CYTH2: variants seen among roughly 807,000 people sequenced by gnomAD.
CYTH2 encodes the protein cytohesin-2.
Under a neutral mutation model 55.4 loss-of-function variants are expected in CYTH2, and 24 were observed. The ratio of observed to expected loss-of-function variants is 0.43; its 90% confidence interval spans 0.31 to 0.61. The LOEUF (loss-of-function observed/expected upper bound fraction) is 0.61, where lower values mean the gene tolerates loss of function less well. Among genes scored for constraint, CYTH2 ranks in the 20% least tolerant of loss-of-function variants. The pLI is 0.08. For synonymous variants in CYTH2, 221 were observed against 209.6 expected (o/e 1.05, Z -0.47); for missense variants, 378 against 533.5 (o/e 0.71, Z 2.87).
intron 8 of CYTH2, 45 bp from the exon 9 acceptor site, chr19:48,478,024 G>A: frequency 6.5e-7 from 1 of 1,532,182 alleles, no homozygotes; most frequent in Non-Finnish European, 9.0e-7. Flanking sequence ...CAGAGGCCCT[G>A]TCCCCCTGTT....
Position 48,474,034 on chromosome 19 carries a change from C to G in CYTH2, c.547+17C>G, listed in dbSNP as rs766914095. On this transcript the variant is annotated intron_variant, in intron 6 of 11. Transcript: ENST00000452733. This position sits in a 1 kb window ranked among gnomAD's most constrained non-coding sequence, Gnocchi z 4.9. ...AGTCCACAGGTGCGGGCCCCAAATC[C>G]TGGGTCCTGGGAAAGAGGAGACTGG... is the stretch of plus-strand genomic sequence containing the variant. The G allele has an allele frequency of 1.9e-6, 3 of 1,591,546 alleles. No homozygotes were observed. Among genetic ancestry groups the G allele is most frequent in the African/African-American group, 1.4e-5 (1 of 73,888 alleles).
rs917458617 is a variant in CYTH2 at position 48,480,164 on chromosome 19, G to A, written c.*954G>A. On this transcript the variant is annotated 3_prime_UTR_variant, in exon 12 of 12. Coordinates refer to ENST00000452733, the MANE Select transcript of CYTH2 (RefSeq NM_004228.7). ...ACCTTTTGCCCTCCAGTTGGGGTAT[G>A]TGTGGTGTCCCCAAAGAACAAGGGC... is the stretch of plus-strand genomic sequence containing the variant. 6.6e-6 allele frequency: 1 copy of A among 152,256 alleles called. No individual in the cohort carries two copies. The allele number at this position is 152,256 out of a possible 1,614,324, so 9.4% of individuals were successfully genotyped here.
chr19:48,472,461 C>T lies in CYTH2; in HGVS notation c.353+18C>T. 1.9e-6 allele frequency: 3 copies of T among 1,606,908 alleles called. No homozygotes were observed. The highest frequency in any genetic ancestry group is 2.6e-6 in the Non-Finnish European group (3 of 1,176,180). On this transcript the variant is annotated intron_variant, in intron 4 of 11. Transcript: ENST00000452733. ...GGGGAGAGGTACGGTCACCACTCAG[C>T]TCCTGTGGGGCCCCTCCCTCCCACC... is the stretch of plus-strand genomic sequence containing the variant.
chr19:48,470,737 G>A, intron 3 of CYTH2, 68 bp downstream of exon 3: 1 of 1,583,274 alleles, frequency 6.3e-7, no homozygotes, highest in Non-Finnish European at 8.7e-7. Flanking sequence ...GCACCTCCGG[G>A]TTCCAGAAGC....
chr19:48,474,077 C>T lies in CYTH2; in HGVS notation c.547+60C>T. On this transcript the variant is annotated intron_variant, in intron 6 of 11. Coordinates refer to ENST00000452733, the MANE Select transcript of CYTH2 (RefSeq NM_004228.7). This position sits in a 1 kb window ranked among gnomAD's most constrained non-coding sequence, Gnocchi z 4.9. ...GAGACTGGGGCCCAGACTCCTAGGT[C>T]TGAGGGAGGGAGGGGGCTGGGAGCT... 1 of 1,554,454 alleles carries T rather than the reference C, an allele frequency of 6.4e-7. No individual in the cohort carries two copies. The highest frequency in any genetic ancestry group is 8.7e-7 in the Non-Finnish European group (1 of 1,149,864).
rs1435136278 is a variant in CYTH2 at position 48,481,705 on chromosome 19, G to A, written c.*2495G>A. The stretch of plus-strand genomic sequence containing the variant: ...TTTTTGTATTTTTAGTAGAGACGGG[G>A]TTTCACCATATTGGCCAAGCTGGTC... On this transcript the variant is annotated 3_prime_UTR_variant, in exon 12 of 12. Transcript: ENST00000452733. 1 of 153,476 alleles carries A rather than the reference G, an allele frequency of 6.5e-6. No homozygotes were observed. The highest frequency in any genetic ancestry group is 6.5e-5 in the Admixed American group (1 of 15,282). 9.5% of individuals were successfully genotyped at this position (153,476 alleles called of 1,614,324 possible).
Position 48,475,819 on chromosome 19 carries a change from A to G in CYTH2, c.808+870A>G, listed in dbSNP as rs141348851. ...CAATGCATAGTCAAGGTTGAGAGCT[A>G]CTGGCCTGGAGCCGTGCCTGGTAAC... On this transcript the variant is annotated intron_variant, in intron 8 of 11. Transcript: ENST00000452733. 391 of 235,684 alleles carry G rather than the reference A, an allele frequency of 1.7e-3. 3 individuals are homozygous for G. Among genetic ancestry groups the G allele is most frequent in the African/African-American group, 8.3e-3 (358 of 42,988 alleles). The allele number at this position is 235,684 out of a possible 1,614,324, so 14.6% of individuals were successfully genotyped here. A position where few individuals can be genotyped will look rare whatever the true frequency, so the allele number is the denominator to read the frequency against.
rs376786466 is a variant in CYTH2, at chr19:48,479,263, C to T, written c.*53C>T. On this transcript the variant is annotated 3_prime_UTR_variant, in exon 12 of 12. Coordinates refer to ENST00000452733, the MANE Select transcript of CYTH2 (RefSeq NM_004228.7). Reference sequence around the variant, plus strand: ...TACGGAGCTGCCCCGCCTGGGTGGCCGGACCCCTGGGCCTTGGGGCTGTGG... The same window carrying T: ...TACGGAGCTGCCCCGCCTGGGTGGCTGGACCCCTGGGCCTTGGGGCTGTGG... The T allele has an allele frequency of 1.2e-3, 1,838 of 1,595,798 alleles. 1 individual carries two copies. Among genetic ancestry groups the T allele is most frequent in the Non-Finnish European group, 1.4e-3 (1,671 of 1,164,890 alleles).
At chr19:48,478,254 C>T (rs761435865) in intron 9 of CYTH2, 21 bp from the exon 10 acceptor site, 72 of 1,611,986 alleles carry the variant, frequency 4.5e-5, no homozygotes, top group Non-Finnish European at 6.0e-5. Context: ...AGTCTGAGTT[C>T]TGTCCACCTT....
Position 48,474,895 on chromosome 19 carries a change from G to A in CYTH2, c.754G>A (p.Asp252Asn). Residue 252 changes from aspartate to asparagine, a missense_variant, in exon 8 of 12, where the codon GAC becomes AAC. Transcript: ENST00000452733. The surrounding 1 kb of genome is among the most constrained non-coding windows in gnomAD (Gnocchi z 4.9). Reference sequence around the variant, plus strand: ...CAAGATTCCTGAGGATGACGGGAATGACCTGACCCACACCTTCTTCAACCC... The same window carrying A: ...CAAGATTCCTGAGGATGACGGGAATAACCTGACCCACACCTTCTTCAACCC... ...PFKIPEDDGNDLTHTFFNPDR... is the reference protein window; with the variant it reads ...PFKIPEDDGNNLTHTFFNPDR... 1 of 1,614,184 alleles carries A rather than the reference G, an allele frequency of 6.2e-7. No homozygotes were observed. Among genetic ancestry groups the A allele is most frequent in the Non-Finnish European group, 8.5e-7 (1 of 1,180,024 alleles).
rs978735449 is a variant in CYTH2, at chr19:48,473,887, G to C, written c.435-18G>C. The C allele has an allele frequency of 5.1e-6, 8 of 1,583,098 alleles. No individual in the cohort carries two copies. Among genetic ancestry groups the C allele is most frequent in the Middle Eastern group, 3.4e-4 (2 of 5,894 alleles). On this transcript the variant is annotated intron_variant, in intron 5 of 11. Transcript: ENST00000452733. ...CCCACCAGCCCTGGCATCCATTCCT[G>C]GCCCCTCCCCAACCCAGGCAGTTTC...
chr19:48,480,396 G>A lies in CYTH2; in HGVS notation c.*1186G>A, dbSNP rs897698880. ...CGCTGTGTTCGCTTTTGAGCTCTCC[G>A]ATGGGATGCGGCGCTTCGGAATTTC... On this transcript the variant is annotated 3_prime_UTR_variant, in exon 12 of 12. Transcript: ENST00000452733. 6.6e-6 allele frequency: 1 copy of A among 152,224 alleles called. No homozygotes were observed. Among genetic ancestry groups the A allele is most frequent in the Non-Finnish European group, 1.5e-5 (1 of 68,036 alleles). The allele number at this position is 152,224 out of a possible 1,614,324, so 9.4% of individuals were successfully genotyped here.
At chr19:48,478,200 G>A in intron 9 of CYTH2, 55 bp downstream of exon 9, 2 of 1,612,266 alleles carry the variant, frequency 1.2e-6, no homozygotes, top group Middle Eastern at 1.7e-4. Context: ...CTGGGAGCCT[G>A]GACTCCTGGG....
chr19:48,470,788 C>A, intron 3 of CYTH2, 119 bp downstream of exon 3: 1 of 1,091,464 alleles, frequency 9.2e-7, no homozygotes, highest in South Asian at 1.4e-5. Context: ...AGACTTGGTC[C>A]TAATCCCTGG....
At position 48,469,754 on chromosome 19, in the gene CYTH2, G is replaced by A. The variant is rs1258389763; in HGVS notation, c.19+228G>A. ...GCCTGTTTCCGGTGGCGGCGGGAGG[G>A]GCGGGATGGAGTGGTGGAGGCGAGG... On this transcript the variant is annotated intron_variant, in intron 1 of 11. Transcript: ENST00000452733. The A allele has an allele frequency of 4.2e-6, 3 of 716,598 alleles. No individual in the cohort carries two copies. The East Asian group carries it at 8.5e-5, about 20-fold the overall frequency. The allele number at this position is 716,598 out of a possible 1,614,324, so 44.4% of individuals were successfully genotyped here. A position where few individuals can be genotyped will look rare whatever the true frequency, so the allele number is the denominator to read the frequency against.
Position 48,474,886 on chromosome 19 carries a change from G to A in CYTH2, c.745G>A (p.Asp249Asn), listed in dbSNP as rs1408404265. Reference sequence around the variant, plus strand: ...TGAGCCCTTCAAGATTCCTGAGGATGACGGGAATGACCTGACCCACACCTT... The same window carrying A: ...TGAGCCCTTCAAGATTCCTGAGGATAACGGGAATGACCTGACCCACACCTT... ...RNEPFKIPEDDGNDLTHTFFN... is the reference protein window; with the variant it reads ...RNEPFKIPEDNGNDLTHTFFN... Residue 249 changes from aspartate (D) to asparagine (N), a missense_variant, in exon 8 of 12, where the codon GAC becomes AAC. Transcript: ENST00000452733. The surrounding 1 kb of genome is among the most constrained non-coding windows in gnomAD (Gnocchi z 4.9). 1.2e-6 allele frequency: 2 copies of A among 1,614,088 alleles called. No individual in the cohort carries two copies. The highest frequency in any genetic ancestry group is 2.7e-5 in the African/African-American group (2 of 74,932).
Position 48,470,355 on chromosome 19 carries a change from C to G in CYTH2, c.22C>G (p.Pro8Ala). 2 of 1,607,876 alleles carry G rather than the reference C, an allele frequency of 1.2e-6. No individual in the cohort carries two copies. Among genetic ancestry groups the G allele is most frequent in the Non-Finnish European group, 8.5e-7 (1 of 1,176,732 alleles). The change falls in exon 2 of 12, where the codon CCC (proline) becomes GCC (alanine). Residue 8 changes from proline (P) to alanine (A), a missense_variant and splice_region_variant. Physicochemically the swap from Pro to Ala is conservative, Grantham distance 27. Transcript: ENST00000452733. MEDGVYE[P>A]PDLTPEERME... ...TAAACCTTGACCCCGATCCCTAGAA[C>G]CCCCAGACCTGACTCCGGAGGAGCG...
chr19:48,478,355 CTCT>C lies in CYTH2; in HGVS notation c.957+10_957+12del, dbSNP rs772832289. 1.9e-6 allele frequency: 3 copies of C among 1,614,110 alleles called. No homozygotes were observed. The highest frequency in any genetic ancestry group is 1.7e-5 in the Admixed American group (1 of 60,014). On this transcript the variant is annotated intron_variant, in intron 10 of 11. Transcript: ENST00000452733. ...ACGACCCCCGGAAACCGGTAAGACC[CTCT>C]CTGTACACCTTCCTGCCAGGGCGGG...
At chr19:48,473,807 T>C (rs1277202339) in intron 5 of CYTH2, 98 bp from the exon 6 acceptor site, 5 of 943,160 alleles carry the variant, frequency 5.3e-6, no homozygotes, top group Admixed American at 5.6e-5. Flanking sequence ...GGCCGGAAGG[T>C]CGGGATTCCT....
Sources: allele counts gnomAD v4.1 joint callset, GRCh38; gene constraint gnomAD v4.1.1; non-coding constraint Gnocchi (gnomAD v3.1); transcripts MANE v1.5; gene names NCBI Gene and HGNC (gene_info 2026-07-23, HGNC 2026-07-21).